CNBD2: variants seen among roughly 807,000 people sequenced by gnomAD.
CNBD2 encodes cyclic nucleotide-binding domain-containing protein 2.
A neutral mutation model predicts 63.7 loss-of-function variants in CNBD2; 64 were observed. The ratio of observed to expected loss-of-function variants is 1.00; its 90% confidence interval spans 0.82 to 1.24. CNBD2 has a LOEUF of 1.24. Among genes scored for constraint, CNBD2 ranks in the 50% most tolerant of loss-of-function variants. The probability of loss-of-function intolerance (pLI) is 0.00; values close to 1 mark genes in which losing one functional copy is unlikely to be tolerated. For synonymous variants in CNBD2, 229 were observed against 255.4 expected (o/e 0.90, Z 0.99); for missense variants, 691 against 713.5 (o/e 0.97, Z 0.36).
chr20:36,011,372 A>T (rs2057058602), intron 10 of CNBD2, 115 bp downstream of exon 10: 1 of 1,263,992 alleles, frequency 7.9e-7, no homozygotes, highest in Non-Finnish European at 1.0e-6. Context: ...ATATTAAGGA[A>T]TTATGTTGAT....
exon 1 of CNBD2, chr20:35,955,113 C>G (rs1349111700): frequency 5.9e-6 from 1 of 170,494 alleles, no homozygotes; most frequent in Non-Finnish European, 1.4e-5. Flanking sequence ...CTGTTAACGT[C>G]AGCATTTAAT....
At chr20:35,970,619 A>G (rs369095954) in intron 1 of CNBD2, among the ~76,000 whole-genome samples, 4 of 151,936 alleles carry the variant, frequency 2.6e-5, no homozygotes, top group African/African-American at 7.3e-5. Flanking sequence ...ACTAGTCTCA[A>G]ACTCCTGGTC....
chr20:36,022,205 T>C (rs1386770396), intron 10 of CNBD2, among the ~76,000 whole-genome samples: 6 of 125,596 alleles, frequency 4.8e-5, no homozygotes, highest in African/African-American at 1.7e-4. Context: ...CTTTTTTTTT[T>C]TTTTTTTTTT....
intron 7 of CNBD2, among the ~76,000 whole-genome samples, chr20:35,993,868 T>A (rs1293236228): frequency 1.3e-5 from 1 of 75,458 alleles, no homozygotes; most frequent in African/African-American, 8.0e-5. Flanking sequence ...TCAGCTAATC[T>A]TTTTTTTTTT....
rs577396014 is a variant in CNBD2 at position 36,001,937 on chromosome 20, C to T, written c.971-6360C>T. 7.3e-5 allele frequency among the ~76,000 whole-genome samples: 11 copies of T among 150,358 alleles called. No individual in the cohort carries two copies. The South Asian group carries it at 2.1e-3, about 29-fold the overall frequency. On this transcript the variant is annotated intron_variant, in intron 8 of 11. Transcript: ENST00000373973. ...ACTGGGCAGCCAGGCAGAGGGGCTC[C>T]TCACGTCCCAGACGATGGGCGGCCA...
At chr20:36,012,557 A>G (rs1304642571) in intron 10 of CNBD2, among the ~76,000 whole-genome samples, 3 of 151,582 alleles carry the variant, frequency 2.0e-5, no homozygotes, top group Non-Finnish European at 4.4e-5. Context: ...TTCAATTTCT[A>G]GGCCAGGCAT....
At chr20:36,000,511 G>C (rs1943363589) in intron 8 of CNBD2, among the ~76,000 whole-genome samples, 1 of 151,848 alleles carries the variant, frequency 6.6e-6, no homozygotes, top group Admixed American at 6.6e-5. Context: ...TGAATAGCCG[G>C]GACTACAGGC....
chr20:36,003,567 TA>T (rs1338511491), intron 8 of CNBD2, among the ~76,000 whole-genome samples: 1 of 152,178 alleles, frequency 6.6e-6, no homozygotes, highest in East Asian at 1.9e-4. Context: ...CTATTCTAGT[TA>T]TTGGGAAAAG....
chr20:36,011,061 G>T (rs2147330579), intron 9 of CNBD2, 76 bp from the exon 10 acceptor site: 1 of 1,356,446 alleles, frequency 7.4e-7, no homozygotes, highest in Non-Finnish European at 9.6e-7. Flanking sequence ...GTGCAGAAGA[G>T]TGAGGGCTGA....
chr20:36,000,001 A>G (rs1348393805), intron 8 of CNBD2, among the ~76,000 whole-genome samples: 1 of 152,136 alleles, frequency 6.6e-6, no homozygotes, highest in East Asian at 1.9e-4. Context: ...TTTTTTGTAT[A>G]TTTAAAAAAT....
intron 11 of CNBD2, among the ~76,000 whole-genome samples, chr20:36,024,711 C>A (rs1056413905): frequency 6.6e-6 from 1 of 151,864 alleles, no homozygotes; most frequent in African/African-American, 2.4e-5. Flanking sequence ...GGTGGATTAC[C>A]TGAGGTCAGG....
intron 10 of CNBD2, among the ~76,000 whole-genome samples, chr20:36,021,193 G>A (rs1381720636): frequency 6.6e-6 from 1 of 152,124 alleles, no homozygotes; most frequent in African/African-American, 2.4e-5. Context: ...AGGAAAATGT[G>A]GGACATATAC....
intron 5 of CNBD2, 120 bp downstream of exon 5, chr20:35,984,258 G>T (rs531649749): frequency 1.1e-5 from 11 of 1,036,398 alleles, no homozygotes; most frequent in African/African-American, 8.1e-5. Flanking sequence ...TCAGTGTCCC[G>T]TGTGGGCCCC....
intron 7 of CNBD2, among the ~76,000 whole-genome samples, chr20:35,992,473 T>C (rs1412753361): frequency 6.6e-6 from 1 of 152,186 alleles, no homozygotes; most frequent in Non-Finnish European, 1.5e-5. Flanking sequence ...ATTGATTCAT[T>C]AACTCTGGAA....
At chr20:35,984,896 T>G (rs992085212) in intron 6 of CNBD2, 118 bp downstream of exon 6, 9 of 1,056,510 alleles carry the variant, frequency 8.5e-6, no homozygotes, top group Admixed American at 1.9e-5. Flanking sequence ...TCTGGGATGC[T>G]CTGAAGTCCC....
intron 10 of CNBD2, among the ~76,000 whole-genome samples, chr20:36,016,134 G>A (rs1371420022): frequency 1.3e-5 from 2 of 152,082 alleles, no homozygotes; most frequent in African/African-American, 4.8e-5. Flanking sequence ...GTGATTAGAG[G>A]AAAATCATGA....
intron 3 of CNBD2, among the ~76,000 whole-genome samples, chr20:35,979,866 G>A (rs1203504591): frequency 6.6e-6 from 1 of 152,192 alleles, no homozygotes; most frequent in Non-Finnish European, 1.5e-5. Flanking sequence ...AGAACAAAGG[G>A]GAGAGGTAGG....
chr20:35,995,092 A>C lies in CNBD2; in HGVS notation c.910A>C (p.Arg304=). Residue 304 remains arginine (R), a synonymous_variant, in exon 8 of 12, where the codon AGA becomes CGA. Transcript: ENST00000373973. ...CCTTGGGGCCTCCCCTTCCTACCGT[A>C]GATGGATCTGGCAGCACCTGGAGCT... The part of the protein sequence containing the change: ...LDLGASPSYR[R]WIWQHLELID... 6.2e-7 allele frequency: 1 copy of C among 1,614,116 alleles called. No individual in the cohort carries two copies. The highest frequency in any genetic ancestry group is 2.2e-5 in the East Asian group (1 of 44,884).
At chr20:35,974,412 T>C (rs1262913097) in intron 2 of CNBD2, 1 of 153,814 alleles carries the variant, frequency 6.5e-6, no homozygotes, top group Non-Finnish European at 1.5e-5. Flanking sequence ...CATGGGGCAG[T>C]TGGAAGCTAA....
Sources: gnomAD v4.1 joint callset for allele counts (sites outside exome capture counted in the v4.1 genomes callset) on GRCh38, gnomAD v4.1.1 for gene constraint, MANE v1.5 for transcripts, NCBI Gene and HGNC (gene_info 2026-07-23, HGNC 2026-07-21) for gene names.